Variants in OTUD4 observed in about 807,000 individuals in gnomAD.
OTUD4 encodes the protein OTU domain-containing protein 4.
OTUD4 carries 24 observed loss-of-function variants against 130.4 expected under a neutral mutation model. That is an observed-to-expected ratio of 0.18 (90% CI 0.13 to 0.26). OTUD4 has a LOEUF of 0.26. OTUD4 is among the 10% of genes least tolerant of loss of function. OTUD4 has a pLI of 1.00. For missense variants in OTUD4, 1,031 were observed against 1,329.4 expected, an observed-to-expected ratio of 0.78 and a Z score of 3.49; for synonymous variants, 420 against 472.5, an observed-to-expected ratio of 0.89 and a Z score of 1.44.
At chr4:145,163,858 C>A (rs1394136091) in intron 5 of OTUD4, among the ~76,000 whole-genome samples, 1 of 151,986 alleles carries the variant, frequency 6.6e-6, no homozygotes, top group African/African-American at 2.4e-5. Context: ...AGGGATGTGC[C>A]ACCACGCCCG....
At chr4:145,155,245 G>C (rs912597179) in intron 10 of OTUD4, among the ~76,000 whole-genome samples, 166 bp downstream of exon 10, 18 of 152,124 alleles carry the variant, frequency 1.2e-4, no homozygotes, top group African/African-American at 4.1e-4. Flanking sequence ...ATTCAAATGA[G>C]TCAAAAAGCT....
intron 10 of OTUD4, 70 bp from the exon 11 acceptor site, chr4:145,152,705 G>GT (rs1751120739): frequency 6.3e-6 from 5 of 799,722 alleles, no homozygotes; most frequent in African/African-American, 1.8e-5. Flanking sequence ...TTACTTATCA[G>GT]TTTTTTGCGG....
chr4:145,156,622 G>A (rs1422047503), intron 7 of OTUD4, among the ~76,000 whole-genome samples: 1 of 151,780 alleles, frequency 6.6e-6, no homozygotes, highest in Non-Finnish European at 1.5e-5. Context: ...GGCGGAGGTT[G>A]CAGTGAGCTG....
In OTUD4 at chr4:145,141,416, A is replaced by G; in HGVS notation, c.2046T>C (p.Pro682=). 3 of 1,613,432 alleles carry G rather than the reference A, an allele frequency of 1.9e-6. No homozygotes were observed. Among genetic ancestry groups the G allele is most frequent in the Non-Finnish European group, 2.5e-6 (3 of 1,179,608 alleles). ...CCTCCCCAGTCTGACACAGTGAATAAGGTGGTACAATGGCTCGATCTCCCT... is the reference window on the plus strand; with the variant it reads ...CCTCCCCAGTCTGACACAGTGAATAGGGTGGTACAATGGCTCGATCTCCCT... ...NEKGDRAIVP[P]YSLCQTGEDL... Residue 682 remains proline (P), a synonymous_variant, in exon 19 of 21, where the codon CCT becomes CCC. Transcript: ENST00000447906.
rs770573823 is a variant in OTUD4 at position 145,155,580 on chromosome 4, T to A, written c.797A>T (p.Lys266Met). The A allele has an allele frequency of 6.2e-7, 1 of 1,608,494 alleles. No homozygotes were observed. Residue 266 changes from lysine (K) to methionine (M), a missense_variant, in exon 9 of 21, where the codon AAG (lysine) becomes ATG (methionine). Physicochemically the swap from Lys to Met is moderately conservative, Grantham distance 95. Transcript: ENST00000447906. ...GATTTTTAACTCACCTTGTTTAGACTTCAGCCAAATTTCATATTCCACATT... is the reference window on the plus strand; with the variant it reads ...GATTTTTAACTCACCTTGTTTAGACATCAGCCAAATTTCATATTCCACATT... ...YRNVEYEIWLKSKQAQQKRDY... is the reference protein window; with the variant it reads ...YRNVEYEIWLMSKQAQQKRDY...
rs1189624389 is a variant in OTUD4, at chr4:145,162,835, G to C, written c.415-114C>G. The C allele has an allele frequency of 5.7e-6, 3 of 529,686 alleles. No homozygotes were observed. In the African/African-American group the frequency reaches 6.0e-5, roughly 11 times the overall value. The allele number at this position is 529,686 out of a possible 1,614,324, so 32.8% of individuals were successfully genotyped here. A position where few individuals can be genotyped will look rare whatever the true frequency, so the allele number is the denominator to read the frequency against. On this transcript the variant is annotated intron_variant, in intron 5 of 20. Coordinates refer to ENST00000447906, the MANE Select transcript of OTUD4 (RefSeq NM_001366057.1). ...TAGATCATTTCCAAACAGACAGTGA[G>C]TATTTTAGGAGTAACCTAAAGCTTC...
intron 19 of OTUD4, among the ~76,000 whole-genome samples, chr4:145,140,418 G>A (rs901919602): frequency 2.0e-5 from 3 of 152,144 alleles, no homozygotes; most frequent in Non-Finnish European, 4.4e-5. Flanking sequence ...GTATTCATAT[G>A]CCATGAGCCA....
At chr4:145,150,403 G>A in intron 13 of OTUD4, 110 bp downstream of exon 13, 1 of 683,688 alleles carries the variant, frequency 1.5e-6, no homozygotes, top group South Asian at 2.1e-5. Context: ...CTAATATAGG[G>A]ACAATGATAT....
chr4:145,155,949 A>G lies in OTUD4; in HGVS notation c.677T>C (p.Leu226Ser), dbSNP rs367544759. 14 of 1,609,682 alleles carry G rather than the reference A, an allele frequency of 8.7e-6. No homozygotes were observed. The highest frequency in any genetic ancestry group is 4.0e-5 in the African/African-American group (3 of 74,718). Residue 226 changes from leucine to serine, a missense_variant, in exon 8 of 21, where the codon TTG becomes TCG. Coordinates refer to ENST00000447906, the MANE Select transcript of OTUD4 (RefSeq NM_001366057.1). ...AAADVNGFKP[L>S]SGNEQLKNNG... Reference sequence around the variant, plus strand: ...TAAAAAAAATACCTCATTGCCTGACAAAGGTTTAAATCCATTCACATCAGC... The same window carrying G: ...TAAAAAAAATACCTCATTGCCTGACGAAGGTTTAAATCCATTCACATCAGC...
chr4:145,147,535 C>T (rs1750882678), intron 13 of OTUD4, among the ~76,000 whole-genome samples: 1 of 152,170 alleles, frequency 6.6e-6, no homozygotes, highest in Non-Finnish European at 1.5e-5. Context: ...ACTATATGGC[C>T]TTCATCTCAT....
rs1752625666 is a variant in OTUD4, at chr4:145,180,150, G to A, written c.-177C>T. On this transcript the variant is annotated 5_prime_UTR_variant, in exon 1 of 21. Transcript: ENST00000447906. ...CGGTCCGCGCTCTCCGGGCGCATAGGGAAGCCCTGCCTAATGCATGGCTGT... is the reference window on the plus strand; with the variant it reads ...CGGTCCGCGCTCTCCGGGCGCATAGAGAAGCCCTGCCTAATGCATGGCTGT... The A allele has an allele frequency of 4.0e-6, 1 of 253,148 alleles. No homozygotes were observed. Among genetic ancestry groups the A allele is most frequent in the Non-Finnish European group, 6.6e-6 (1 of 152,646 alleles). 15.7% of individuals were successfully genotyped at this position (253,148 alleles called of 1,614,324 possible). A position where few individuals can be genotyped will look rare whatever the true frequency, so the allele number is the denominator to read the frequency against.
chr4:145,166,172 A>C (rs1751862578), intron 3 of OTUD4, among the ~76,000 whole-genome samples: 1 of 152,106 alleles, frequency 6.6e-6, no homozygotes. Context: ...AAAAAAAAAA[A>C]AAGAAAGAAA....
chr4:145,159,751 A>AT (rs1560990446), intron 6 of OTUD4, 116 bp from the exon 7 acceptor site: 2 of 921,468 alleles, frequency 2.2e-6, no homozygotes, highest in African/African-American at 3.3e-5. Context: ...TCCTGACTAG[A>AT]TATCTGCTAA....
chr4:145,163,783 T>G (rs180708888), intron 5 of OTUD4, among the ~76,000 whole-genome samples: 1 of 149,754 alleles, frequency 6.7e-6, no homozygotes, highest in Admixed American at 6.7e-5. Flanking sequence ...CTCGGCTCAC[T>G]GCAACCTCCA....
Position 145,137,623 on chromosome 4 carries a change from T to C in OTUD4, c.3152A>G (p.Lys1051Arg). ...AGAATAGCCCCAATCACTTTTGTAC[T>C]TCCTGCTTCCATAAGTTTGATTATA... ...QFYNQTYGSRKYKSDWGYSGR... is the reference protein window; with the variant it reads ...QFYNQTYGSRRYKSDWGYSGR... Residue 1051 changes from lysine (K) to arginine (R), a missense_variant, in exon 21 of 21, where the codon AAG (lysine) becomes AGG (arginine). Transcript: ENST00000447906. 1.2e-6 allele frequency: 2 copies of C among 1,613,620 alleles called. No individual in the cohort carries two copies. Among genetic ancestry groups the C allele is most frequent in the Non-Finnish European group, 1.7e-6 (2 of 1,179,786 alleles).
At chr4:145,169,059 T>C (rs1752023318) in intron 3 of OTUD4, among the ~76,000 whole-genome samples, 1 of 152,216 alleles carries the variant, frequency 6.6e-6, no homozygotes. Context: ...ACAAACTCTA[T>C]CATTCCACTT....
chr4:145,160,729 C>G (rs987023063), intron 6 of OTUD4, among the ~76,000 whole-genome samples: 1 of 152,162 alleles, frequency 6.6e-6, no homozygotes, highest in Non-Finnish European at 1.5e-5. Context: ...AGCAGAATCG[C>G]TTGAACCCAG....
intron 1 of OTUD4, among the ~76,000 whole-genome samples, chr4:145,179,011 T>A (rs2126818556): frequency 6.6e-6 from 1 of 152,246 alleles, no homozygotes; most frequent in East Asian, 1.9e-4. Context: ...TAGGATGGGT[T>A]TTGGTGACTG....
intron 10 of OTUD4, 37 bp from the exon 11 acceptor site, chr4:145,152,672 AT>A (rs1311702091): frequency 8.7e-7 from 1 of 1,149,548 alleles, no homozygotes. Flanking sequence ...GAAAAAAAAA[AT>A]CAGTCACCTG....
Sources: allele counts gnomAD v4.1 joint callset (sites outside exome capture counted in the v4.1 genomes callset), GRCh38; gene constraint gnomAD v4.1.1; transcripts MANE v1.5; gene names NCBI Gene and HGNC (gene_info 2026-07-23, HGNC 2026-07-21).